The following THSD7A variants were observed in gnomAD, a reference collection of about 807,000 sequenced individuals.
THSD7A encodes thrombospondin type 1 domain containing 7A.
THSD7A carries 96 observed loss-of-function variants against 231.3 expected under a neutral mutation model. That is an observed-to-expected ratio of 0.41 (90% CI 0.35 to 0.49). The LOEUF is 0.49. Among genes scored for constraint, THSD7A ranks in the 20% least tolerant of loss-of-function variants. THSD7A has a pLI of 0.05. For synonymous variants in THSD7A, 940 were observed against 743.3 expected, an observed-to-expected ratio of 1.26 and a Z score of -4.30; for missense variants, 2,290 against 2,070.2, an observed-to-expected ratio of 1.11 and a Z score of -2.06.
chr7:11,437,611 T>C (rs1053724874), intron 13 of THSD7A, among the ~76,000 whole-genome samples: 5 of 152,094 alleles, frequency 3.3e-5, no homozygotes, highest in African/African-American at 1.2e-4. Context: ...ATTAAATAAA[T>C]TCTACCAAAT....
At chr7:11,544,973 C>T (rs1019914638) in intron 4 of THSD7A, among the ~76,000 whole-genome samples, 1 of 152,076 alleles carries the variant, frequency 6.6e-6, no homozygotes, top group Non-Finnish European at 1.5e-5. Flanking sequence ...AATTTCATTG[C>T]TTTCCAGGAG....
At chr7:11,458,813 GT>G (rs1024059976) in intron 11 of THSD7A, among the ~76,000 whole-genome samples, 6 of 152,094 alleles carry the variant, frequency 3.9e-5, no homozygotes, top group African/African-American at 1.2e-4. Flanking sequence ...AGACAGAATA[GT>G]TTTTGTACAG....
At chr7:11,645,328 C>T (rs1319083009) in intron 1 of THSD7A, among the ~76,000 whole-genome samples, 1 of 151,596 alleles carries the variant, frequency 6.6e-6, no homozygotes, top group African/African-American at 2.4e-5. Context: ...AAATGTATTT[C>T]CCATCAGTGT....
At position 11,474,492 on chromosome 7, in the gene THSD7A, G is replaced by C. The variant is rs767039588; in HGVS notation, c.2094C>G (p.His698Gln). ...ACTGGCCCCAGGGACCAGTTTGCCA[G>C]TGGTACACTGTGCAAGGATGCTCAT... is the stretch of plus-strand genomic sequence containing the variant. ...SCNEHPCTVY[H>Q]WQTGPWGQCI... Residue 698 changes from histidine to glutamine, a missense_variant, in exon 8 of 28, where the codon CAC becomes CAG. By Grantham distance (24) the His-to-Gln change is conservative. Transcript: ENST00000423059. This position sits in a 1 kb window ranked among gnomAD's most constrained non-coding sequence, Gnocchi z 4.1. The C allele has an allele frequency of 1.2e-6, 2 of 1,613,598 alleles. No individual in the cohort carries two copies. The highest frequency in any genetic ancestry group is 1.7e-6 in the Non-Finnish European group (2 of 1,179,614).
chr7:11,829,065 T>C, intron 1 of THSD7A, among the ~76,000 whole-genome samples: 1 of 152,088 alleles, frequency 6.6e-6, no homozygotes, highest in East Asian at 1.9e-4. Flanking sequence ...TAGCTTACTT[T>C]ATTGTAACAA....
At chr7:11,568,401 G>A (rs570250960) in intron 4 of THSD7A, among the ~76,000 whole-genome samples, 181 of 151,912 alleles carry the variant, frequency 1.2e-3, no homozygotes, top group African/African-American at 8.2e-4. Context: ...CGAGGCAGGC[G>A]GATCACGAGG....
intron 4 of THSD7A, among the ~76,000 whole-genome samples, chr7:11,556,440 T>C (rs1178225491): frequency 6.6e-6 from 1 of 151,828 alleles, no homozygotes; most frequent in Non-Finnish European, 1.5e-5. Flanking sequence ...AAATATATCG[T>C]CTACGTATTT....
chr7:11,566,179 A>T (rs1049764635), intron 4 of THSD7A, among the ~76,000 whole-genome samples: 2 of 152,206 alleles, frequency 1.3e-5, no homozygotes, highest in African/African-American at 4.8e-5. Context: ...AGCTTTCTGG[A>T]ATGTGGCAAA....
intron 1 of THSD7A, among the ~76,000 whole-genome samples, chr7:11,667,068 T>A (rs915452463): frequency 1.3e-5 from 2 of 152,148 alleles, no homozygotes; most frequent in Non-Finnish European, 2.9e-5. Flanking sequence ...TTTTTTTATT[T>A]CAATAGTTTT....
chr7:11,570,426 C>A (rs1790574305), intron 4 of THSD7A, among the ~76,000 whole-genome samples: 1 of 152,094 alleles, frequency 6.6e-6, no homozygotes, highest in Non-Finnish European at 1.5e-5. Context: ...TTTTCAATAG[C>A]ACAGTTGGGT....
chr7:11,728,517 C>A (rs533790900), intron 1 of THSD7A, among the ~76,000 whole-genome samples: 4 of 151,532 alleles, frequency 2.6e-5, no homozygotes, highest in Admixed American at 1.3e-4. Context: ...AAAGCTGATT[C>A]ATTTTTTCCT....
At chr7:11,645,465 T>C (rs1042126608) in intron 1 of THSD7A, among the ~76,000 whole-genome samples, 2 of 151,916 alleles carry the variant, frequency 1.3e-5, no homozygotes, top group African/African-American at 4.8e-5. Flanking sequence ...TAAGTACACA[T>C]GTATTAAAAG....
At chr7:11,566,627 C>G (rs544108461) in intron 4 of THSD7A, among the ~76,000 whole-genome samples, 1 of 152,196 alleles carries the variant, frequency 6.6e-6, no homozygotes, top group South Asian at 2.1e-4. Context: ...CTATTATTGT[C>G]TTTGACCATA....
intron 16 of THSD7A, among the ~76,000 whole-genome samples, chr7:11,419,718 C>T (rs562678436): frequency 3.1e-4 from 47 of 152,226 alleles, no homozygotes; most frequent in Non-Finnish European, 3.8e-4. Context: ...GATGACGGAA[C>T]GTTTGGAACT....
chr7:11,785,523 A>G (rs1353506447), intron 1 of THSD7A, among the ~76,000 whole-genome samples: 1 of 152,142 alleles, frequency 6.6e-6, no homozygotes, highest in Admixed American at 6.6e-5. Flanking sequence ...GGTGTTTTAC[A>G]GTGTGTGAAA....
intron 1 of THSD7A, among the ~76,000 whole-genome samples, chr7:11,777,156 A>G (rs146045472): frequency 9.2e-5 from 14 of 152,320 alleles, no homozygotes; most frequent in African/African-American, 3.1e-4. Flanking sequence ...CTCAATTTCT[A>G]AAAAGCCCAT....
intron 22 of THSD7A, among the ~76,000 whole-genome samples, chr7:11,405,490 CT>C (rs1783552872): frequency 6.6e-6 from 1 of 152,088 alleles, no homozygotes; most frequent in South Asian, 2.1e-4. Flanking sequence ...CATTTTCAAT[CT>C]GTTCATTTCC....
chr7:11,656,412 T>C (rs184539816), intron 1 of THSD7A, among the ~76,000 whole-genome samples: 3 of 151,950 alleles, frequency 2.0e-5, no homozygotes, highest in African/African-American at 2.4e-5. Flanking sequence ...ACAACGGTCA[T>C]AGGGGCTCAC....
intron 1 of THSD7A, among the ~76,000 whole-genome samples, chr7:11,674,998 C>G (rs539999826): frequency 6.6e-6 from 1 of 152,230 alleles, no homozygotes; most frequent in South Asian, 2.1e-4. Context: ...ATAGGAACAG[C>G]TCCAGTCTGC....
Sources: allele counts gnomAD v4.1 joint callset (sites outside exome capture counted in the v4.1 genomes callset), GRCh38; gene constraint gnomAD v4.1.1; non-coding constraint Gnocchi (gnomAD v3.1); transcripts MANE v1.5; gene names NCBI Gene and HGNC (gene_info 2026-07-23, HGNC 2026-07-21).